Variants in SDK1 observed in about 807,000 individuals in gnomAD.
SDK1 encodes protein sidekick-1.
Under a neutral mutation model 245.5 loss-of-function variants are expected in SDK1, and 157 were observed. The ratio of observed to expected loss-of-function variants is 0.64; its 90% CI spans 0.56 to 0.73. The LOEUF (loss-of-function observed/expected upper bound fraction) is 0.73. Ranked by LOEUF, SDK1 falls within the 30% of genes least tolerant of loss-of-function variation. The pLI is 0.00. For missense variants in SDK1, 3,583 were observed against 3,002.3 expected (o/e 1.19, Z -4.52); for synonymous variants, 1,647 against 1,278.5 (o/e 1.29, Z -6.15).
At chr7:3,468,549 A>G (rs542955784) in intron 1 of SDK1, among the ~76,000 whole-genome samples, 10 of 152,300 alleles carry the variant, frequency 6.6e-5, no homozygotes, top group Non-Finnish European at 1.5e-4. Context: ...TGTAAAAACT[A>G]GCCAGAAGAA....
chr7:3,631,380 T>C (rs1477267878), intron 2 of SDK1, among the ~76,000 whole-genome samples: 3 of 152,234 alleles, frequency 2.0e-5, no homozygotes, highest in Non-Finnish European at 4.4e-5. Flanking sequence ...CCCATCTACA[T>C]CTTCGTGAAA....
intron 40 of SDK1, among the ~76,000 whole-genome samples, chr7:4,222,460 A>T (rs1785200335): frequency 6.6e-6 from 1 of 152,032 alleles, no homozygotes; most frequent in African/African-American, 2.4e-5. Flanking sequence ...ACGCCCGGCT[A>T]ATTTTTATAT....
At chr7:3,919,061 G>A (rs1346400801) in intron 5 of SDK1, among the ~76,000 whole-genome samples, 2 of 152,136 alleles carry the variant, frequency 1.3e-5, no homozygotes, top group Non-Finnish European at 2.9e-5. Flanking sequence ...TATGAATAAT[G>A]TATGCTATCA....
intron 44 of SDK1, among the ~76,000 whole-genome samples, chr7:4,257,421 G>C (rs939627937): frequency 6.6e-6 from 1 of 152,112 alleles, no homozygotes; most frequent in African/African-American, 2.4e-5. Flanking sequence ...TTTCCATTTT[G>C]TCAATAATTC....
chr7:3,981,232 G>A (rs754632175), intron 13 of SDK1, among the ~76,000 whole-genome samples: 4 of 152,102 alleles, frequency 2.6e-5, no homozygotes, highest in Non-Finnish European at 5.9e-5. Context: ...TATTGTAATT[G>A]TTTTGGGACA....
At chr7:3,945,971 G>A (rs1780562388) in intron 5 of SDK1, among the ~76,000 whole-genome samples, 1 of 59,248 alleles carries the variant, frequency 1.7e-5, no homozygotes, top group African/African-American at 4.9e-5. Flanking sequence ...ATTAAAAAAA[G>A]GAAAATATTG....
intron 19 of SDK1, among the ~76,000 whole-genome samples, chr7:4,052,676 T>G (rs1401956147): frequency 6.6e-6 from 1 of 152,154 alleles, no homozygotes; most frequent in African/African-American, 2.4e-5. Context: ...TCACACAAAT[T>G]TAAGACTTGT....
rs1354590951 is a variant in SDK1 at position 3,979,899 on chromosome 7, A to G, written c.1994+5354A>G. Among the ~76,000 whole-genome samples, 6 of 152,208 alleles carry G rather than the reference A, an allele frequency of 3.9e-5. No individual in the cohort carries two copies. In the East Asian group the frequency reaches 1.2e-3, roughly 29 times the overall value. On this transcript the variant is annotated intron_variant, in intron 13 of 44. Transcript: ENST00000404826. ...ATTTCATCTCTCCTCCTGAAATCAG[A>G]GTCTAATTCTCATGGGCCTGGAGTA...
At chr7:3,362,059 G>C (rs1366684905) in intron 1 of SDK1, among the ~76,000 whole-genome samples, 1 of 152,120 alleles carries the variant, frequency 6.6e-6, no homozygotes, top group African/African-American at 2.4e-5. Flanking sequence ...AGGATAGAAA[G>C]GAAAGGAGAG....
At chr7:3,611,579 G>C (rs1781590839) in intron 1 of SDK1, among the ~76,000 whole-genome samples, 3 of 152,112 alleles carry the variant, frequency 2.0e-5, no homozygotes, top group South Asian at 2.1e-4. Flanking sequence ...GGGATTGCTA[G>C]ATGAAAGGGT....
intron 1 of SDK1, among the ~76,000 whole-genome samples, chr7:3,520,588 A>G (rs1782905237): frequency 1.3e-5 from 2 of 152,334 alleles, no homozygotes; most frequent in South Asian, 2.1e-4. Context: ...CTTAAAATAT[A>G]GTAGAATTCT....
chr7:3,646,778 A>C (rs1023809024), intron 4 of SDK1, among the ~76,000 whole-genome samples: 16 of 152,186 alleles, frequency 1.1e-4, no homozygotes, highest in African/African-American at 3.9e-4. Flanking sequence ...GAAAAGTGTC[A>C]GAGGCTGGTA....
rs940464270 is a variant in SDK1 at position 4,221,179 on chromosome 7, G to T, written c.5702-60G>T. 4 of 1,595,976 alleles carry T rather than the reference G, an allele frequency of 2.5e-6. No homozygotes were observed. The African/African-American group carries it at 4.0e-5, about 16-fold the overall frequency. On this transcript the variant is annotated intron_variant, in intron 39 of 44. Coordinates refer to ENST00000404826, the MANE Select transcript of SDK1 (RefSeq NM_152744.4). ...GACCCCCCACTGTGAAATCTCACGG[G>T]GTGGGATGTGAGCCCCGCAGGGCTG...
intron 1 of SDK1, among the ~76,000 whole-genome samples, chr7:3,457,645 A>C (rs1038865100): frequency 6.6e-6 from 1 of 152,156 alleles, no homozygotes; most frequent in African/African-American, 2.4e-5. Context: ...AATATGGCCA[A>C]ACTTGTTGAC....
intron 5 of SDK1, among the ~76,000 whole-genome samples, chr7:3,864,076 T>C (rs1255264290): frequency 1.3e-5 from 2 of 152,174 alleles, no homozygotes; most frequent in East Asian, 3.8e-4. Context: ...AATTTTTTCA[T>C]ATCCTTGCCA....
chr7:3,780,183 C>T (rs185102784), intron 4 of SDK1, among the ~76,000 whole-genome samples: 2 of 152,252 alleles, frequency 1.3e-5, no homozygotes, highest in Admixed American at 6.5e-5. Flanking sequence ...TCTGACCACA[C>T]TGCCCCTTCC....
At chr7:4,076,839 A>G (rs184349297) in intron 20 of SDK1, among the ~76,000 whole-genome samples, 159 bp from the exon 21 acceptor site, 53 of 152,202 alleles carry the variant, frequency 3.5e-4, no homozygotes, top group Admixed American at 3.5e-3. Context: ...AGGAGCCTTG[A>G]CCTGTGTCTC....
At chr7:3,446,671 A>G (rs1238678356) in intron 1 of SDK1, among the ~76,000 whole-genome samples, 2 of 152,210 alleles carry the variant, frequency 1.3e-5, no homozygotes, top group Non-Finnish European at 2.9e-5. Context: ...AATAATTTTA[A>G]GCAATACCTA....
intron 22 of SDK1, among the ~76,000 whole-genome samples, chr7:4,094,773 G>T (rs1317922213): frequency 6.6e-6 from 1 of 152,278 alleles, no homozygotes; most frequent in Non-Finnish European, 1.5e-5. Context: ...GGAGAATCGG[G>T]TCACTCAAGC....
Sources: allele counts gnomAD v4.1 joint callset (sites outside exome capture counted in the v4.1 genomes callset), GRCh38; gene constraint gnomAD v4.1.1; transcripts MANE v1.5; gene names NCBI Gene and HGNC (gene_info 2026-07-23, HGNC 2026-07-21).